The following COL8A1 variants were observed in gnomAD, a reference collection of about 807,000 sequenced individuals.
The protein encoded by COL8A1 is collagen type VIII alpha 1 chain.
COL8A1 carries 21 observed loss-of-function variants against 42.7 expected under a neutral mutation model. The observed-to-expected ratio is 0.49, with a 90% CI of 0.35 to 0.71. The LOEUF (loss-of-function observed/expected upper bound fraction) is 0.71, where lower values mean the gene tolerates loss of function less well. COL8A1 is among the 30% of genes least tolerant of loss of function. COL8A1 has a pLI of 0.01. For missense variants in COL8A1, 788 were observed against 962.4 expected, an observed-to-expected ratio of 0.82 and a Z score of 2.40; for synonymous variants, 367 against 369.1, an observed-to-expected ratio of 0.99 and a Z score of 0.06.
chr3:99,789,665 C>A (rs1342371939), intron 2 of COL8A1, among the ~76,000 whole-genome samples: 1 of 152,140 alleles, frequency 6.6e-6, no homozygotes, highest in Non-Finnish European at 1.5e-5. Flanking sequence ...AGATAAGCCC[C>A]ATTTATATTA....
At chr3:99,640,747 T>C (rs866855909) in intron 1 of COL8A1, among the ~76,000 whole-genome samples, 1 of 152,212 alleles carries the variant, frequency 6.6e-6, no homozygotes, top group African/African-American at 2.4e-5. Context: ...CCAAGCAAGA[T>C]GACACTGCTC....
chr3:99,759,106 C>CTTTTT (rs372727265), intron 2 of COL8A1, among the ~76,000 whole-genome samples: 2,021 of 139,502 alleles, frequency 0.014, 44 homozygotes, highest in Non-Finnish European at 0.022. Context: ...GAGCCTGTTC[C>CTTTTT]TTTTTTTTTT....
At chr3:99,645,019 C>T (rs1449250496) in intron 1 of COL8A1, among the ~76,000 whole-genome samples, 5 of 152,108 alleles carry the variant, frequency 3.3e-5, no homozygotes, top group African/African-American at 9.7e-5. Flanking sequence ...GCCTTCAGTT[C>T]AGTAGGAGGA....
At chr3:99,784,103 G>A (rs1021949256) in intron 2 of COL8A1, among the ~76,000 whole-genome samples, 1 of 152,220 alleles carries the variant, frequency 6.6e-6, no homozygotes, top group African/African-American at 2.4e-5. Context: ...ATATTTGGAA[G>A]ACAAGATGGA....
rs1035109202 is a variant in COL8A1 at position 99,669,160 on chromosome 3, G to T, written c.-129+30496G>T. Among the ~76,000 whole-genome samples the T allele has an allele frequency of 1.3e-3, 189 of 142,424 alleles. 5 individuals are homozygous for T. Among genetic ancestry groups the T allele is most frequent in the African/African-American group, 4.7e-3 (177 of 37,604 alleles). The allele number at this position is 142,424 out of a possible 152,430, so 93.4% of individuals were successfully genotyped here. A position where few individuals can be genotyped will look rare whatever the true frequency, so the allele number is the denominator to read the frequency against. ...ATATATATATATAGAGGGAGAGAGA[G>T]AGAGAGAGAGAGAGAGAGAGAGGGA... On this transcript the variant is annotated intron_variant, in intron 1 of 3. Transcript: ENST00000652472.
In COL8A1 at chr3:99,764,935, C is replaced by G. The variant is rs143063977; in HGVS notation, c.-4+19914C>G. Among the ~76,000 whole-genome samples the G allele has an allele frequency of 2.3e-3, 349 of 152,102 alleles. 6 individuals carry two copies. The highest frequency in any genetic ancestry group is 7.5e-3 in the African/African-American group (313 of 41,498). On this transcript the variant is annotated intron_variant, in intron 2 of 3. Coordinates refer to ENST00000652472, the MANE Select transcript of COL8A1 (RefSeq NM_020351.4). ...TGTCATGTCAAACCATCCCATAATT[C>G]AAGTATAAATATGGTACCATTCAAC...
At chr3:99,674,796 T>C (rs1388554313) in intron 1 of COL8A1, among the ~76,000 whole-genome samples, 1 of 152,146 alleles carries the variant, frequency 6.6e-6, no homozygotes, top group Admixed American at 6.6e-5. Flanking sequence ...TGCTACTTAA[T>C]GAATGCTACA....
intron 1 of COL8A1, among the ~76,000 whole-genome samples, chr3:99,721,883 G>T (rs1054540921): frequency 1.2e-4 from 18 of 146,042 alleles, no homozygotes; most frequent in Non-Finnish European, 2.6e-4. Context: ...GCAGCACTGG[G>T]TTTTTTTTTT....
At chr3:99,726,928 G>GT (rs1940349844) in intron 1 of COL8A1, among the ~76,000 whole-genome samples, 1 of 152,066 alleles carries the variant, frequency 6.6e-6, no homozygotes, top group Non-Finnish European at 1.5e-5. Flanking sequence ...TTTTAAAGTA[G>GT]TTTTTTTCAA....
intron 2 of COL8A1, among the ~76,000 whole-genome samples, chr3:99,787,597 G>A (rs1315523127): frequency 6.6e-6 from 1 of 152,072 alleles, no homozygotes; most frequent in East Asian, 1.9e-4. Flanking sequence ...ATTATCATTT[G>A]TACCCCTGAA....
intron 1 of COL8A1, among the ~76,000 whole-genome samples, chr3:99,655,804 A>T (rs892256802): frequency 1.3e-5 from 2 of 152,224 alleles, no homozygotes; most frequent in African/African-American, 2.4e-5. Context: ...TAATGTTAAC[A>T]CACGTGGTTC....
chr3:99,655,885 T>G (rs1938002615), intron 1 of COL8A1, among the ~76,000 whole-genome samples: 1 of 152,024 alleles, frequency 6.6e-6, no homozygotes, highest in Non-Finnish European at 1.5e-5. Context: ...AACAAGTAAG[T>G]GCACTGACAG....
chr3:99,710,504 C>A (rs1293993190), intron 1 of COL8A1, among the ~76,000 whole-genome samples: 2 of 152,236 alleles, frequency 1.3e-5, no homozygotes, highest in East Asian at 1.9e-4. Context: ...GGCCCATAAG[C>A]AAAATTCCAA....
intron 2 of COL8A1, among the ~76,000 whole-genome samples, chr3:99,761,508 A>G (rs1576466659): frequency 6.6e-6 from 1 of 152,210 alleles, no homozygotes; most frequent in South Asian, 2.1e-4. Flanking sequence ...TCTACTTGCT[A>G]TTGCTAGTTT....
chr3:99,711,997 C>G (rs560521694), intron 1 of COL8A1, among the ~76,000 whole-genome samples: 51 of 152,184 alleles, frequency 3.4e-4, no homozygotes, highest in Middle Eastern at 3.4e-3. Context: ...AATACTTGAG[C>G]CTTTCAGGGT....
At chr3:99,717,385 G>T (rs16841650) in intron 1 of COL8A1, among the ~76,000 whole-genome samples, 1 of 151,906 alleles carries the variant, frequency 6.6e-6, no homozygotes, top group African/African-American at 2.4e-5. Context: ...CTGATGTTTG[G>T]AGTGTTCATG....
intron 1 of COL8A1, among the ~76,000 whole-genome samples, chr3:99,700,825 T>A (rs887236242): frequency 5.3e-5 from 8 of 152,162 alleles, no homozygotes; most frequent in African/African-American, 1.9e-4. Context: ...TTTGCATACA[T>A]ACACACACCC....
chr3:99,687,520 T>TGCGG (rs1441594596), intron 1 of COL8A1, among the ~76,000 whole-genome samples: 3 of 152,164 alleles, frequency 2.0e-5, no homozygotes, highest in African/African-American at 4.8e-5. Flanking sequence ...AGTGGGGAGC[T>TGCGG]ATGCCTGGGC....
rs1033296795 is a variant in COL8A1, at chr3:99,678,081, G to A, written c.-129+39417G>A. ...ACAAGGAAATGAGGGGGACCAGTAT[G>A]GCTCCACCCTTAGGTCAAAAGCCCA... On this transcript the variant is annotated intron_variant, in intron 1 of 3. Coordinates refer to ENST00000652472, the MANE Select transcript of COL8A1 (RefSeq NM_020351.4). The A allele has an allele frequency of 4.6e-5, 7 of 152,164 alleles. 1 individual carries two copies. The East Asian group carries it at 7.7e-4, about 17-fold the overall frequency. The allele number at this position is 152,164 out of a possible 1,614,324, so 9.4% of individuals were successfully genotyped here.
Sources: gnomAD v4.1 joint callset for allele counts (sites outside exome capture counted in the v4.1 genomes callset) on GRCh38, gnomAD v4.1.1 for gene constraint, MANE v1.5 for transcripts, NCBI Gene and HGNC (gene_info 2026-07-23, HGNC 2026-07-21) for gene names.